The following NCAM2 variants were observed in gnomAD, a reference collection of about 807,000 sequenced individuals.
NCAM2 encodes N-CAM-2.
A neutral mutation model predicts 98.1 loss-of-function variants in NCAM2; 30 were observed. The observed-to-expected ratio is 0.31, with a 90% CI of 0.23 to 0.41. NCAM2 has a LOEUF of 0.41. NCAM2 is among the 10% of genes least tolerant of loss of function. NCAM2 has a pLI of 1.00. For synonymous variants in NCAM2, 368 were observed against 342.4 expected, an observed-to-expected ratio of 1.07 and a Z score of -0.83; for missense variants, 867 against 1,005.8, an observed-to-expected ratio of 0.86 and a Z score of 1.87.
chr21:21,323,007 A>G (rs1275884444), intron 5 of NCAM2, among the ~76,000 whole-genome samples: 1 of 152,188 alleles, frequency 6.6e-6, no homozygotes, highest in East Asian at 1.9e-4. Flanking sequence ...TACTTAACAC[A>G]TACAGAATAC....
intron 12 of NCAM2, among the ~76,000 whole-genome samples, chr21:21,434,871 A>G (rs540191211): frequency 6.6e-6 from 1 of 152,254 alleles, no homozygotes; most frequent in South Asian, 2.1e-4. Context: ...TGGGAAGGTG[A>G]AAGAGATCAA....
intron 15 of NCAM2, among the ~76,000 whole-genome samples, chr21:21,478,501 T>C (rs1985448541): frequency 1.3e-5 from 2 of 152,150 alleles, no homozygotes; most frequent in South Asian, 2.1e-4. Context: ...TATTATGATT[T>C]TGTTATATCA....
At chr21:21,085,305 C>A (rs2065886350) in intron 1 of NCAM2, among the ~76,000 whole-genome samples, 1 of 151,970 alleles carries the variant, frequency 6.6e-6, no homozygotes, top group African/African-American at 2.4e-5. Flanking sequence ...GGGTAAAGAG[C>A]TTAGTGCATG....
In NCAM2 at chr21:21,000,768, C is replaced by G. The variant is rs370228912; in HGVS notation, c.55+2150C>G. ...ATATAGTACTTCTATGCCATGTGTC[C>G]TGATGAAGTCAGAGATGCTTGGATA... On this transcript the variant is annotated intron_variant, in intron 1 of 17. Coordinates refer to ENST00000400546, the MANE Select transcript of NCAM2 (RefSeq NM_004540.5). Among the ~76,000 whole-genome samples the G allele has an allele frequency of 2.6e-5, 4 of 152,080 alleles. No individual in the cohort carries two copies. The East Asian group carries it at 7.7e-4, about 29-fold the overall frequency.
chr21:21,395,362 A>G (rs927927489), intron 9 of NCAM2, among the ~76,000 whole-genome samples: 1 of 152,196 alleles, frequency 6.6e-6, no homozygotes, highest in African/African-American at 2.4e-5. Flanking sequence ...AAAGAAAAAT[A>G]ATTTTTAAAT....
chr21:21,542,318 G>T lies in NCAM2; in HGVS notation c.*4361G>T, dbSNP rs1192885603. Reference sequence around the variant, plus strand: ...TTATATCTTCTCATATAAAGGCAAAGAATTTTATATTATATATAATGCTAA... The same window carrying T: ...TTATATCTTCTCATATAAAGGCAAATAATTTTATATTATATATAATGCTAA... On this transcript the variant is annotated 3_prime_UTR_variant, in exon 18 of 18. Coordinates refer to ENST00000400546, the MANE Select transcript of NCAM2 (RefSeq NM_004540.5). 6.6e-6 allele frequency: 1 copy of T among 151,606 alleles called. No individual in the cohort carries two copies. Among genetic ancestry groups the T allele is most frequent in the South Asian group, 2.1e-4 (1 of 4,824 alleles). The allele number at this position is 151,606 out of a possible 1,614,324, so 9.4% of individuals were successfully genotyped here. A position where few individuals can be genotyped will look rare whatever the true frequency, so the allele number is the denominator to read the frequency against.
In NCAM2 at chr21:21,299,595, T is replaced by TTCCCTCCC. The variant is rs1208309445; in HGVS notation, c.619+7364_619+7371dup. Among the ~76,000 whole-genome samples, 7 of 151,470 alleles carry TTCCCTCCC rather than the reference T, an allele frequency of 4.6e-5. No individual in the cohort carries two copies. The East Asian group carries it at 1.2e-3, about 25-fold the overall frequency. Reference sequence around the variant, plus strand: ...TCTCTCTCTTTCTCTCCTTCCCTCCTTCCCTCCCTCCCTCCCTTTTTAGCC... The same window carrying TTCCCTCCC: ...TCTCTCTCTTTCTCTCCTTCCCTCCTTCCCTCCCTCCCTCCCTCCCTCCCTTTTTAGCC... On this transcript the variant is annotated intron_variant, in intron 5 of 17. Transcript: ENST00000400546.
chr21:21,143,298 A>G (rs1339915919), intron 1 of NCAM2, among the ~76,000 whole-genome samples: 5 of 152,082 alleles, frequency 3.3e-5, no homozygotes, highest in African/African-American at 1.2e-4. Flanking sequence ...GTGTCAACGC[A>G]TCTATTTTTA....
intron 1 of NCAM2, among the ~76,000 whole-genome samples, chr21:21,234,501 CTCTTT>C (rs1223059136): frequency 2.6e-5 from 4 of 151,846 alleles, no homozygotes; most frequent in Admixed American, 1.3e-4. Context: ...TGTGTATAAA[CTCTTT>C]TCTTAAGAGA....
At chr21:21,241,353 G>C (rs1241354413) in intron 1 of NCAM2, among the ~76,000 whole-genome samples, 1 of 151,648 alleles carries the variant, frequency 6.6e-6, no homozygotes, top group Non-Finnish European at 1.5e-5. Flanking sequence ...AAAACATACA[G>C]TATTTTCACA....
At chr21:21,347,170 GA>G (rs1019262172) in intron 8 of NCAM2, among the ~76,000 whole-genome samples, 15 of 151,806 alleles carry the variant, frequency 9.9e-5, no homozygotes, top group African/African-American at 3.6e-4. Flanking sequence ...AGTTATAAAT[GA>G]AAAAAGAGAC....
At chr21:21,089,946 A>G (rs184923595) in intron 1 of NCAM2, among the ~76,000 whole-genome samples, 14 of 152,308 alleles carry the variant, frequency 9.2e-5, no homozygotes, top group Middle Eastern at 3.4e-3. Flanking sequence ...TCAAAAGCCA[A>G]CGAACACCAA....
chr21:21,290,321 T>G (rs550690223), intron 4 of NCAM2, among the ~76,000 whole-genome samples: 1 of 152,020 alleles, frequency 6.6e-6, no homozygotes, highest in South Asian at 2.1e-4. Context: ...TTTTATTTAT[T>G]TATAATTGCC....
chr21:21,015,968 A>G (rs952515672), intron 1 of NCAM2, among the ~76,000 whole-genome samples: 9 of 152,092 alleles, frequency 5.9e-5, no homozygotes, highest in Non-Finnish European at 7.4e-5. Context: ...TCGGCCTCCC[A>G]AAATGCTGGC....
At chr21:21,363,679 A>C (rs1025816332) in intron 8 of NCAM2, among the ~76,000 whole-genome samples, 2 of 152,012 alleles carry the variant, frequency 1.3e-5, no homozygotes, top group African/African-American at 4.8e-5. Context: ...TTGATTTTTT[A>C]TAGAAAAGGT....
chr21:21,277,881 T>TA (rs71870218), intron 1 of NCAM2, among the ~76,000 whole-genome samples: 8 of 151,950 alleles, frequency 5.3e-5, no homozygotes, highest in Admixed American at 1.3e-4. Flanking sequence ...TATTTAAAAA[T>TA]AAAAAAATGC....
intron 1 of NCAM2, among the ~76,000 whole-genome samples, chr21:21,206,086 A>G (rs2069426777): frequency 6.6e-6 from 1 of 152,142 alleles, no homozygotes; most frequent in Non-Finnish European, 1.5e-5. Context: ...CTTCTAAAAT[A>G]TGTACTGTGC....
intron 1 of NCAM2, among the ~76,000 whole-genome samples, chr21:21,017,445 A>AAAAAAAAAAAAAAC (rs2064334711): frequency 6.6e-6 from 1 of 150,620 alleles, no homozygotes; most frequent in African/African-American, 2.4e-5. Context: ...AAAAAAAAAA[A>AAAAAAAAAAAAAAC]AAAGAAATAG....
chr21:21,166,196 G>T (rs772293763), intron 1 of NCAM2, among the ~76,000 whole-genome samples: 1 of 152,052 alleles, frequency 6.6e-6, no homozygotes, highest in Non-Finnish European at 1.5e-5. Context: ...TAGTCATCAA[G>T]ACTTATATTA....
Sources: allele counts gnomAD v4.1 joint callset (sites outside exome capture counted in the v4.1 genomes callset), GRCh38; gene constraint gnomAD v4.1.1; transcripts MANE v1.5; gene names NCBI Gene and HGNC (gene_info 2026-07-23, HGNC 2026-07-21).